TTC3: variants seen among roughly 807,000 people sequenced by gnomAD.
The protein encoded by TTC3 is E3 ubiquitin-protein ligase TTC3.
In TTC3, 180 loss-of-function variants were observed where a neutral mutation model predicts 249.6. The ratio of observed to expected loss-of-function variants is 0.72; its 90% CI spans 0.64 to 0.82. The LOEUF is 0.82. TTC3 is among the 40% of genes least tolerant of loss of function. TTC3 has a pLI of 0.00. For synonymous variants in TTC3, 717 were observed against 805.0 expected, an observed-to-expected ratio of 0.89 and a Z score of 1.85; for missense variants, 2,061 against 2,398.4, an observed-to-expected ratio of 0.86 and a Z score of 2.94.
intron 1 of TTC3, chr21:37,083,969 G>T (rs980316150): frequency 2.0e-5 from 3 of 152,158 alleles, no homozygotes; most frequent in African/African-American, 7.2e-5. Flanking sequence ...AACATAACTT[G>T]CACATCTAAC....
Position 37,135,410 on chromosome 21 carries a change from A to C in TTC3, c.1474A>C (p.Ser492Arg). 3 of 1,613,432 alleles carry C rather than the reference A, an allele frequency of 1.9e-6. No homozygotes were observed. The Admixed American group carries it at 5.0e-5, about 27-fold the overall frequency. Residue 492 changes from serine to arginine, a missense_variant, in exon 18 of 46, where the codon AGC (serine) becomes CGC (arginine). Ser to Arg is a moderately radical substitution (Grantham distance 110). Coordinates refer to ENST00000355666, the Ensembl canonical transcript of TTC3. ...TGCTAATATAATGAAAATGCTGAGA[A>C]GCTTAATTCAAGATGGCTATATGGC...
intron 28 of TTC3, among the ~76,000 whole-genome samples, chr21:37,158,727 T>G (rs1475870370): frequency 1.3e-5 from 2 of 152,200 alleles, no homozygotes; most frequent in Non-Finnish European, 2.9e-5. Flanking sequence ...TCTCAGTCAA[T>G]AATATTGTAT....
At chr21:37,120,967 A>G (rs1456977778) in intron 11 of TTC3, among the ~76,000 whole-genome samples, 1 of 152,200 alleles carries the variant, frequency 6.6e-6, no homozygotes, top group Non-Finnish European at 1.5e-5. Context: ...ATATTAGGCC[A>G]GTTTCTAGCC....
chr21:37,098,047 G>T (rs971186661), intron 10 of TTC3: 2 of 655,822 alleles, frequency 3.0e-6, no homozygotes, highest in Non-Finnish European at 5.6e-6. Context: ...GGCTTAAGCC[G>T]TGGATAAACC....
At chr21:37,151,808 C>T in intron 25 of TTC3, 85 bp from the exon 26 acceptor site, 1 of 1,409,650 alleles carries the variant, frequency 7.1e-7, no homozygotes, top group South Asian at 1.7e-5. Flanking sequence ...AGGAAAACTT[C>T]TAATATATTG....
chr21:37,166,637 C>A, intron 33 of TTC3, 22 bp downstream of exon 33: 2 of 1,559,818 alleles, frequency 1.3e-6, no homozygotes, highest in Non-Finnish European at 8.7e-7. Context: ...ATAGAAAAGT[C>A]TTCTTAATAC....
chr21:37,108,324 C>T (rs2075284432), intron 10 of TTC3, 68 bp from the exon 11 acceptor site: 3 of 1,296,690 alleles, frequency 2.3e-6, no homozygotes, highest in Non-Finnish European at 3.2e-6. Context: ...ACAAAGTACA[C>T]ATATGCAAGA....
chr21:37,129,034 A>G (rs368496988), exon 16 of TTC3: 12 of 1,595,326 alleles, frequency 7.5e-6, no homozygotes, highest in Non-Finnish European at 9.4e-6. Flanking sequence ...GAAAACAAAA[A>G]TCTCGAAACA....
chr21:37,193,555 A>G (rs2084468795), intron 41 of TTC3, among the ~76,000 whole-genome samples: 1 of 152,244 alleles, frequency 6.6e-6, no homozygotes, highest in Admixed American at 6.5e-5. Context: ...GGCTCTCAAT[A>G]GGATATTTTA....
At position 37,089,862 on chromosome 21, in the gene TTC3, G is replaced by A. The variant is rs535340099; in HGVS notation, c.427-371G>A. On this transcript the variant is annotated intron_variant, in intron 5 of 45. Transcript: ENST00000355666. ...AGCCGGGTGGTAGTGGCACGTGCCT[G>A]TAATCCCAGGTAGTTGGGAGGCTGA... Among the ~76,000 whole-genome samples, 149 of 152,184 alleles carry A rather than the reference G, an allele frequency of 9.8e-4. 1 individual carries two copies. Among genetic ancestry groups the A allele is most frequent in the African/African-American group, 3.3e-3 (138 of 41,526 alleles).
intron 2 of TTC3, 28 bp from the exon 3 acceptor site, chr21:37,087,805 C>G: frequency 6.5e-7 from 1 of 1,537,756 alleles, no homozygotes; most frequent in Non-Finnish European, 8.9e-7. Flanking sequence ...TTACTAGACA[C>G]AAATCAAAAT....
intron 31 of TTC3, among the ~76,000 whole-genome samples, chr21:37,163,274 G>T (rs888501065): frequency 3.9e-5 from 6 of 152,194 alleles, no homozygotes; most frequent in African/African-American, 1.4e-4. Context: ...GCAGAGCTGG[G>T]ATTTAAGTCA....
At chr21:37,088,997 A>G in intron 5 of TTC3, 111 bp downstream of exon 5, 1 of 954,876 alleles carries the variant, frequency 1.0e-6, no homozygotes. Flanking sequence ...TAATGGTTTT[A>G]GTTTTGGTTA....
At chr21:37,140,474 A>G in intron 19 of TTC3, 87 bp from the exon 20 acceptor site, 1 of 904,140 alleles carries the variant, frequency 1.1e-6, no homozygotes, top group Middle Eastern at 3.7e-4. Context: ...TTATTTTAAT[A>G]TTATAAAAAA....
chr21:37,200,213 G>C lies in TTC3; in HGVS notation c.5851-19G>C. The C allele has an allele frequency of 6.2e-7, 1 of 1,612,814 alleles. No homozygotes were observed. The highest frequency in any genetic ancestry group is 8.5e-7 in the Non-Finnish European group (1 of 1,179,088). On this transcript the variant is annotated intron_variant, in intron 44 of 45. Transcript: ENST00000355666. ...AACTGTAGTTATTCTTTACTATTCAGGTGTGTTTGTTTCCACAGGCACTGG... is the reference window on the plus strand; with the variant it reads ...AACTGTAGTTATTCTTTACTATTCACGTGTGTTTGTTTCCACAGGCACTGG...
At chr21:37,158,507 T>C (rs1254787206) in intron 28 of TTC3, among the ~76,000 whole-genome samples, 1 of 152,218 alleles carries the variant, frequency 6.6e-6, no homozygotes, top group Non-Finnish European at 1.5e-5. Context: ...TAGTTATATT[T>C]CTTAAAACTT....
At chr21:37,157,144 T>C in intron 28 of TTC3, 4 of 1,426,560 alleles carry the variant, frequency 2.8e-6, no homozygotes, top group Non-Finnish European at 3.7e-6. Flanking sequence ...CAATACACAA[T>C]GTTCTTCCCG....
At chr21:37,196,797 A>G (rs1473843805) in intron 42 of TTC3, among the ~76,000 whole-genome samples, 3 of 152,220 alleles carry the variant, frequency 2.0e-5, no homozygotes, top group Non-Finnish European at 4.4e-5. Flanking sequence ...GAGGTTGAAG[A>G]CTGGATGGAA....
rs977872054 is a variant in TTC3, at chr21:37,124,852, T to C, written c.1233+110T>C. ...AAATTTTTGGCGATTTGAACCCTTT[T>C]TGCCTATTGTTACTGAAATAATGAT... On this transcript the variant is annotated intron_variant, in intron 14 of 45. Coordinates refer to ENST00000355666, the Ensembl canonical transcript of TTC3. 3.0e-5 allele frequency: 31 copies of C among 1,024,284 alleles called. No homozygotes were observed. In the East Asian group the frequency reaches 8.1e-4, roughly 27 times the overall value. The allele number at this position is 1,024,284 out of a possible 1,614,324, so 63.4% of individuals were successfully genotyped here. A position where few individuals can be genotyped will look rare whatever the true frequency, so the allele number is the denominator to read the frequency against.
Sources: gnomAD v4.1 joint callset for allele counts (sites outside exome capture counted in the v4.1 genomes callset) on GRCh38, gnomAD v4.1.1 for gene constraint, MANE v1.5 for transcripts, NCBI Gene and HGNC (gene_info 2026-07-23, HGNC 2026-07-21) for gene names.